Variants in KLRG1 observed in about 807,000 individuals in gnomAD.
The protein encoded by KLRG1 is killer cell lectin like receptor G1, also known as killer cell lectin-like receptor subfamily G member 1.
KLRG1 carries 16 observed loss-of-function variants against 21.8 expected under a neutral mutation model. That is an observed-to-expected ratio of 0.73 (90% CI 0.50 to 1.11). The LOEUF (loss-of-function observed/expected upper bound fraction) is 1.11. Ranked by LOEUF, KLRG1 falls within the 50% of genes most tolerant of loss-of-function variation. KLRG1 has a pLI of 0.00. For synonymous variants in KLRG1, 69 were observed against 75.9 expected, an observed-to-expected ratio of 0.91 and a Z score of 0.47; for missense variants, 173 against 218.3, an observed-to-expected ratio of 0.79 and a Z score of 1.31.
chr12:9,061,723 TG>T, the KLRG1 span, among the ~76,000 whole-genome samples: 1 of 152,168 alleles, frequency 6.6e-6, no homozygotes, highest in Non-Finnish European at 1.5e-5. Flanking sequence ...CAAAGAATCT[TG>T]GAGGCATACT....
At chr12:9,196,980 G>T in the KLRG1 span, 1 of 1,438,396 alleles carries the variant, frequency 7.0e-7, no homozygotes, top group Non-Finnish European at 9.8e-7. Context: ...TGTAAACAGT[G>T]ATAGCACTGA....
At chr12:9,096,837 G>A in the KLRG1 span, among the ~76,000 whole-genome samples, 2 of 152,262 alleles carry the variant, frequency 1.3e-5, no homozygotes, top group East Asian at 3.9e-4. Context: ...TAAGTTCCAT[G>A]AGACATACAT....
the KLRG1 span, among the ~76,000 whole-genome samples, chr12:9,177,864 C>T: frequency 6.6e-6 from 1 of 152,146 alleles, no homozygotes; most frequent in Admixed American, 6.5e-5. Flanking sequence ...GACTAAATTC[C>T]TGTACTACAT....
At chr12:9,205,292 C>T in the KLRG1 span, among the ~76,000 whole-genome samples, 1 of 152,106 alleles carries the variant, frequency 6.6e-6, no homozygotes, top group Non-Finnish European at 1.5e-5. Context: ...ATTTTCCTGT[C>T]ACTTTCCAGA....
the KLRG1 span, among the ~76,000 whole-genome samples, chr12:9,041,244 A>C: frequency 6.6e-6 from 1 of 152,208 alleles, no homozygotes; most frequent in African/African-American, 2.4e-5. Flanking sequence ...CTGAGGCAGG[A>C]GAATCACTCG....
At chr12:9,213,944 G>C in the KLRG1 span, among the ~76,000 whole-genome samples, 2 of 151,950 alleles carry the variant, frequency 1.3e-5, no homozygotes, top group African/African-American at 4.8e-5. Flanking sequence ...CTCCTCCTAG[G>C]AGTTTTATTA....
intron 1 of KLRG1, among the ~76,000 whole-genome samples, chr12:8,953,719 A>T (rs1320931762): frequency 6.6e-6 from 1 of 152,200 alleles, no homozygotes. Flanking sequence ...AACAGATATC[A>T]TATTGGCGAT....
the KLRG1 span, among the ~76,000 whole-genome samples, chr12:9,131,962 A>G: frequency 6.6e-6 from 1 of 152,074 alleles, no homozygotes; most frequent in Non-Finnish European, 1.5e-5. Flanking sequence ...CTGTTTGGGC[A>G]ATGAGATATA....
chr12:8,993,052 A>T (rs139955714), intron 2 of KLRG1, among the ~76,000 whole-genome samples: 1 of 149,466 alleles, frequency 6.7e-6, no homozygotes, highest in African/African-American at 2.5e-5. Context: ...CACATAATAG[A>T]TATATCATAA....
the KLRG1 span, among the ~76,000 whole-genome samples, chr12:9,166,356 C>A: frequency 6.6e-6 from 1 of 152,086 alleles, no homozygotes; most frequent in Non-Finnish European, 1.5e-5. Flanking sequence ...ACTTTGTGAT[C>A]CCTCATTCCC....
At chr12:9,154,288 T>C in the KLRG1 span, among the ~76,000 whole-genome samples, 2 of 152,216 alleles carry the variant, frequency 1.3e-5, 1 homozygote, top group South Asian at 4.1e-4. Context: ...TAGTTCCTTT[T>C]ACAACGATGA....
At chr12:9,027,975 T>C in the KLRG1 span, 5 of 991,818 alleles carry the variant, frequency 5.0e-6, no homozygotes, top group South Asian at 3.8e-5. Flanking sequence ...ACAGTTGTGG[T>C]CATTCACAGT....
the KLRG1 span, chr12:9,112,291 A>G: frequency 6.2e-7 from 1 of 1,605,760 alleles, no homozygotes; most frequent in Admixed American, 1.7e-5. Context: ...TAAGGAACCA[A>G]GATTATAGGA....
At chr12:9,169,068 C>G in the KLRG1 span, 3 of 859,660 alleles carry the variant, frequency 3.5e-6, no homozygotes, top group Admixed American at 6.8e-5. Flanking sequence ...ATTCCAGTAT[C>G]CTTATATTAA....
chr12:8,974,976 A>G lies in KLRG1; in HGVS notation c.-155-17230A>G, dbSNP rs533665872. 1.7e-4 allele frequency among the ~76,000 whole-genome samples: 26 copies of G among 151,644 alleles called. 2 individuals are homozygous for G. Among genetic ancestry groups the G allele is most frequent in the African/African-American group, 6.3e-4 (26 of 41,364 alleles). On this transcript the variant is annotated intron_variant, in intron 1 of 4. Coordinates refer to the KLRG1 transcript ENST00000539240. Reference sequence around the variant, plus strand: ...AGTGGTGTGATCTAGGCTCACTGCAACCTCTGCCTCCCAGATTCAAGCAAT... The same window carrying G: ...AGTGGTGTGATCTAGGCTCACTGCAGCCTCTGCCTCCCAGATTCAAGCAAT...
the KLRG1 span, among the ~76,000 whole-genome samples, chr12:9,037,527 T>G: frequency 4.1e-4 from 62 of 152,194 alleles, no homozygotes; most frequent in African/African-American, 1.4e-3. Context: ...ATGAAAAAAA[T>G]TTTTTAAAAT....
intron 3 of KLRG1, 68 bp from the exon 4 acceptor site, chr12:9,008,907 A>C (rs753895983): frequency 4.0e-6 from 4 of 1,005,428 alleles, no homozygotes; most frequent in Non-Finnish European, 6.1e-6. Context: ...TAGGAATCCA[A>C]TGTGGAAAGG....
the KLRG1 span, among the ~76,000 whole-genome samples, chr12:9,120,183 GT>G: frequency 6.6e-6 from 1 of 152,312 alleles, no homozygotes; most frequent in East Asian, 1.9e-4. Flanking sequence ...TCTGTTCTGG[GT>G]TTCGCTATAG....
chr12:9,164,953 C>T, the KLRG1 span, among the ~76,000 whole-genome samples: 1 of 152,162 alleles, frequency 6.6e-6, no homozygotes, highest in Admixed American at 6.5e-5. Context: ...GATTTAAGCA[C>T]CCATAGCACA....
Sources: gnomAD v4.1 joint callset for allele counts (sites outside exome capture counted in the v4.1 genomes callset) on GRCh38, gnomAD v4.1.1 for gene constraint, MANE v1.5 for transcripts, NCBI Gene and HGNC (gene_info 2026-07-23, HGNC 2026-07-21) for gene names.